Variants in DRD2 observed in about 807,000 individuals in gnomAD.
The protein encoded by DRD2 is D(2) dopamine receptor.
In DRD2, 8 loss-of-function variants were observed where a neutral mutation model predicts 38.0. The ratio of observed to expected loss-of-function variants is 0.21; its 90% CI spans 0.12 to 0.38. The LOEUF (loss-of-function observed/expected upper bound fraction) is 0.38, where lower values mean the gene tolerates loss of function less well. DRD2 is among the 10% of genes least tolerant of loss of function. DRD2 has a pLI of 1.00. For synonymous variants in DRD2, 230 were observed against 238.6 expected (o/e 0.96, Z 0.33); for missense variants, 403 against 607.7 (o/e 0.66, Z 3.54).
chr11:113,473,535 G>A (rs1482466063), intron 1 of DRD2, among the ~76,000 whole-genome samples: 1 of 152,168 alleles, frequency 6.6e-6, no homozygotes, highest in Non-Finnish European at 1.5e-5. Context: ...AAGGTAGAAG[G>A]AACTCAATGA....
In DRD2 at chr11:113,410,391, A is replaced by G; in HGVS notation, c.*336T>C. On this transcript the variant is annotated 3_prime_UTR_variant, in exon 8 of 8. Coordinates refer to ENST00000362072, the MANE Select transcript of DRD2 (RefSeq NM_000795.4). ...CTGGGCCCTGACTCAGGCTCCAGCA[A>G]CCCTAGAGCCCCAGAGGAAGGTCAA... The G allele has an allele frequency of 4.3e-6, 2 of 470,392 alleles. No homozygotes were observed. Among genetic ancestry groups the G allele is most frequent in the South Asian group, 4.6e-5 (2 of 43,264 alleles). The allele number at this position is 470,392 out of a possible 1,614,324, so 29.1% of individuals were successfully genotyped here.
At chr11:113,465,038 C>T (rs919759806) in intron 1 of DRD2, among the ~76,000 whole-genome samples, 6 of 152,126 alleles carry the variant, frequency 3.9e-5, no homozygotes, top group African/African-American at 1.4e-4. Flanking sequence ...TGAACAACTG[C>T]AAACTCTCCT....
Position 113,452,469 on chromosome 11 carries a change from T to TGTGTGTGTGTGC in DRD2, c.-32+22606_-32+22607insGCACACACACAC, listed in dbSNP as rs1210531875. ...GTGTGTGTGTGTGTGTGTGTGTGTG[T>TGTGTGTGTGTGC]GCGCGCGCGCGCGCGCGCACATTGG... On this transcript the variant is annotated intron_variant, in intron 1 of 7. Coordinates refer to ENST00000362072, the MANE Select transcript of DRD2 (RefSeq NM_000795.4). Among the ~76,000 whole-genome samples the TGTGTGTGTGTGC allele has an allele frequency of 1.2e-3, 147 of 118,822 alleles. 1 individual carries two copies. Among genetic ancestry groups the TGTGTGTGTGTGC allele is most frequent in the African/African-American group, 4.7e-3 (131 of 27,734 alleles). 78.0% of individuals were successfully genotyped at this position (118,822 alleles called of 152,430 possible).
intron 1 of DRD2, chr11:113,450,154 GA>G (rs1951197541): frequency 6.5e-6 from 1 of 153,912 alleles, no homozygotes; most frequent in Non-Finnish European, 1.5e-5. Context: ...TATTTCAAAA[GA>G]AGACAGAAAT....
chr11:113,462,151 T>G (rs750303428), intron 1 of DRD2, among the ~76,000 whole-genome samples: 1 of 152,186 alleles, frequency 6.6e-6, no homozygotes, highest in African/African-American at 2.4e-5. Flanking sequence ...ATTAGATAAG[T>G]GGGCAGCTAT....
In DRD2 at chr11:113,412,826, G is replaced by A; in HGVS notation, c.868C>T (p.Pro290Ser). ...ATGGGGCTGTACCGGGTCCTCTCGG[G>A]TGGGCTGGTGCTGGAGAGCATCTCC... is the stretch of plus-strand genomic sequence containing the variant. Reference protein sequence around the residue: ...EMEMLSSTSPPERTRYSPIPP... With the variant: ...EMEMLSSTSPSERTRYSPIPP... The change falls in exon 7 of 8, where the codon CCC becomes TCC. Residue 290 changes from proline to serine, a missense_variant. Pro to Ser is a moderately conservative substitution (Grantham distance 74). Transcript: ENST00000362072. 1 of 1,613,296 alleles carries A rather than the reference G, an allele frequency of 6.2e-7. No homozygotes were observed. The highest frequency in any genetic ancestry group is 8.5e-7 in the Non-Finnish European group (1 of 1,179,764).
chr11:113,414,361 G>T lies in DRD2; in HGVS notation c.810+14C>A. On this transcript the variant is annotated intron_variant, in intron 6 of 7. Transcript: ENST00000362072. ...AGAAAGACCTGGCTCTGGGTCCCTG[G>T]CCTGAGCACTTACCACTCTCCGCCT... is the stretch of plus-strand genomic sequence containing the variant. The T allele has an allele frequency of 1.2e-6, 2 of 1,609,690 alleles. No individual in the cohort carries two copies. The highest frequency in any genetic ancestry group is 1.7e-6 in the Non-Finnish European group (2 of 1,175,954).
chr11:113,463,512 G>T (rs1040954459), intron 1 of DRD2, among the ~76,000 whole-genome samples: 5 of 152,078 alleles, frequency 3.3e-5, no homozygotes, highest in Non-Finnish European at 7.4e-5. Context: ...TTTCTTTACA[G>T]CCTTGACAAT....
At chr11:113,463,192 T>C (rs889355781) in intron 1 of DRD2, among the ~76,000 whole-genome samples, 6 of 152,158 alleles carry the variant, frequency 3.9e-5, no homozygotes, top group Admixed American at 3.9e-4. Flanking sequence ...GGCAGTGGAG[T>C]ATAGCTGAAT....
intron 1 of DRD2, among the ~76,000 whole-genome samples, chr11:113,433,078 C>A (rs1015935747): frequency 6.6e-6 from 1 of 152,018 alleles, no homozygotes; most frequent in Non-Finnish European, 1.5e-5. Context: ...AGCCTCTAAG[C>A]CCTGGAGCTG....
intron 1 of DRD2, among the ~76,000 whole-genome samples, chr11:113,459,384 A>G (rs1951296177): frequency 6.6e-6 from 1 of 152,246 alleles, no homozygotes; most frequent in South Asian, 2.1e-4. Context: ...GTTGTTGGTT[A>G]TAGTCTGTAA....
At chr11:113,452,192 T>C (rs1172790818) in intron 1 of DRD2, among the ~76,000 whole-genome samples, 3 of 152,148 alleles carry the variant, frequency 2.0e-5, no homozygotes, top group Admixed American at 6.5e-5. Context: ...GACACAGGCA[T>C]GTTTCAGGTA....
chr11:113,450,508 C>G (rs1211512219), intron 1 of DRD2, among the ~76,000 whole-genome samples: 1 of 152,200 alleles, frequency 6.6e-6, no homozygotes, highest in African/African-American at 2.4e-5. Flanking sequence ...CCAAACCCCA[C>G]CTTGTCTCCA....
At chr11:113,430,303 T>C (rs1950974484) in intron 1 of DRD2, among the ~76,000 whole-genome samples, 2 of 152,194 alleles carry the variant, frequency 1.3e-5, no homozygotes, top group African/African-American at 4.8e-5. Context: ...ATGACTGTCA[T>C]ACTAATCACC....
chr11:113,422,564 G>GGGGA (rs1950896085), intron 2 of DRD2, among the ~76,000 whole-genome samples: 1 of 152,158 alleles, frequency 6.6e-6, no homozygotes, highest in Admixed American at 6.5e-5. Flanking sequence ...ATGGATCCAG[G>GGGGA]GGGAATTGGA....
intron 1 of DRD2, among the ~76,000 whole-genome samples, chr11:113,432,318 CTCTCT>C (rs1565667518): frequency 2.5e-4 from 38 of 151,848 alleles, no homozygotes; most frequent in East Asian, 1.9e-3. Context: ...CTCTCTCTCT[CTCTCT>C]CTCCCTCCCT....
intron 1 of DRD2, among the ~76,000 whole-genome samples, chr11:113,438,103 C>G (rs1951055473): frequency 6.6e-6 from 1 of 152,150 alleles, no homozygotes; most frequent in Admixed American, 6.5e-5. Context: ...AACATTGAGG[C>G]CTTCCTAAGC....
intron 1 of DRD2, among the ~76,000 whole-genome samples, chr11:113,433,340 CT>C (rs1467916920): frequency 2.0e-5 from 3 of 152,176 alleles, no homozygotes; most frequent in Admixed American, 6.5e-5. Flanking sequence ...GGAAGGGCTC[CT>C]CCTTCTTGAG....
chr11:113,421,812 C>A (rs1397653304), intron 2 of DRD2, among the ~76,000 whole-genome samples: 1 of 152,090 alleles, frequency 6.6e-6, no homozygotes, highest in Non-Finnish European at 1.5e-5. Flanking sequence ...CTAGGGACAA[C>A]AAATCGCTGA....
Sources: gnomAD v4.1 joint callset for allele counts (sites outside exome capture counted in the v4.1 genomes callset) on GRCh38, gnomAD v4.1.1 for gene constraint, MANE v1.5 for transcripts, NCBI Gene and HGNC (gene_info 2026-07-23, HGNC 2026-07-21) for gene names.